Variants in ADAM32 observed in about 807,000 individuals in gnomAD.
ADAM32 encodes the protein ADAM metallopeptidase domain 32, also known as disintegrin and metalloproteinase domain-containing protein 32.
ADAM32 carries 89 observed loss-of-function variants against 114.9 expected under a neutral mutation model. The observed-to-expected ratio is 0.77, with a 90% CI of 0.65 to 0.92. The LOEUF is 0.92. Ranked by LOEUF, ADAM32 falls within the 40% of genes least tolerant of loss-of-function variation. The pLI, the probability that ADAM32 is intolerant of heterozygous loss-of-function variation, is 0.00. For missense variants in ADAM32, 870 were observed against 932.8 expected, an observed-to-expected ratio of 0.93 and a Z score of 0.88; for synonymous variants, 285 against 307.5, an observed-to-expected ratio of 0.93 and a Z score of 0.77.
chr8:39,276,765 T>G (rs751322096), intron 22 of ADAM32, among the ~76,000 whole-genome samples: 23 of 152,212 alleles, frequency 1.5e-4, no homozygotes, highest in Non-Finnish European at 1.5e-5. Flanking sequence ...ATTTTGATTT[T>G]TATTATCATG....
At chr8:39,115,315 CTT>C (rs1435335795) in intron 1 of ADAM32, among the ~76,000 whole-genome samples, 1 of 152,050 alleles carries the variant, frequency 6.6e-6, no homozygotes, top group Non-Finnish European at 1.5e-5. Context: ...TGGGAGTTCT[CTT>C]TTAGGTTCCT....
intron 10 of ADAM32, among the ~76,000 whole-genome samples, chr8:39,183,573 C>CT (rs1209922704): frequency 1.3e-5 from 2 of 152,208 alleles, no homozygotes; most frequent in Non-Finnish European, 2.9e-5. Context: ...ATCACTCACT[C>CT]TGTTCTCAGA....
chr8:39,173,149 T>G (rs1805299742), intron 10 of ADAM32, among the ~76,000 whole-genome samples: 1 of 152,116 alleles, frequency 6.6e-6, no homozygotes, highest in South Asian at 2.1e-4. Context: ...TCCCAGCTAC[T>G]CAGGAGGCTG....
intron 19 of ADAM32, among the ~76,000 whole-genome samples, chr8:39,263,564 T>C (rs1169941754): frequency 6.6e-6 from 1 of 152,206 alleles, no homozygotes; most frequent in African/African-American, 2.4e-5. Context: ...AATAGGGCTT[T>C]TAAAAACTGG....
chr8:39,242,645 A>C (rs1266256807), intron 16 of ADAM32, among the ~76,000 whole-genome samples: 2 of 152,060 alleles, frequency 1.3e-5, no homozygotes, highest in African/African-American at 4.8e-5. Flanking sequence ...ATTACCTCCC[A>C]CTGGTTACCT....
intron 19 of ADAM32, among the ~76,000 whole-genome samples, chr8:39,258,511 T>G (rs1811807745): frequency 6.6e-6 from 1 of 152,146 alleles, no homozygotes; most frequent in South Asian, 2.1e-4. Flanking sequence ...AATTGTAATC[T>G]TTAGTTTTCA....
chr8:39,249,919 G>A (rs1007746718), intron 17 of ADAM32, among the ~76,000 whole-genome samples: 2 of 151,998 alleles, frequency 1.3e-5, no homozygotes, highest in African/African-American at 4.8e-5. Context: ...TTGCTTGCAT[G>A]GTTGCTGAAG....
chr8:39,245,752 T>C (rs75846484), intron 16 of ADAM32, among the ~76,000 whole-genome samples: 8,174 of 152,260 alleles, frequency 0.054, 750 homozygotes, highest in African/African-American at 0.19. Context: ...TCAGCCTAAG[T>C]AGACAATATA....
At chr8:39,240,845 A>T (rs1412459232) in intron 16 of ADAM32, among the ~76,000 whole-genome samples, 3 of 152,168 alleles carry the variant, frequency 2.0e-5, no homozygotes, top group Non-Finnish European at 4.4e-5. Context: ...CATTCAGCCC[A>T]AATCTCATGT....
chr8:39,224,823 G>T (rs1474350629), intron 14 of ADAM32, among the ~76,000 whole-genome samples: 2 of 152,126 alleles, frequency 1.3e-5, no homozygotes, highest in African/African-American at 4.8e-5. Context: ...GTCTTGTGAA[G>T]GCTCCAAGGT....
chr8:39,284,116 T>C (rs1813625694), intron 24 of ADAM32, among the ~76,000 whole-genome samples: 1 of 152,244 alleles, frequency 6.6e-6, no homozygotes, highest in Non-Finnish European at 1.5e-5. Flanking sequence ...TTAATCTTGT[T>C]ACTAATGAGT....
chr8:39,264,661 T>C (rs536851202), intron 19 of ADAM32, among the ~76,000 whole-genome samples: 1 of 152,336 alleles, frequency 6.6e-6, no homozygotes, highest in South Asian at 2.1e-4. Context: ...CTGAGATCTT[T>C]CTAACTTTTT....
Position 39,189,740 on chromosome 8 carries a change from C to A in ADAM32, c.1052+2695C>A, listed in dbSNP as rs113131959. ...CTATCTAACTGTGTCTACTTATTAA[C>A]CAACCTCTCTTCATTCCCCTACCCA... On this transcript the variant is annotated intron_variant, in intron 11 of 24. Transcript: ENST00000379907. Among the ~76,000 whole-genome samples the A allele has an allele frequency of 9.0e-3, 1,365 of 152,212 alleles. 7 individuals are homozygous for A. Among genetic ancestry groups the A allele is most frequent in the Non-Finnish European group, 0.015 (1,015 of 68,000 alleles).
intron 6 of ADAM32, among the ~76,000 whole-genome samples, chr8:39,156,935 T>C (rs4636164): frequency 0.96 from 146,458 of 152,296 alleles, 70,707 homozygotes; most frequent in East Asian, 1. Flanking sequence ...AACATATGAA[T>C]TTTACTGGGA....
intron 14 of ADAM32, among the ~76,000 whole-genome samples, chr8:39,230,578 C>G (rs1722661413): frequency 6.6e-6 from 1 of 152,180 alleles, no homozygotes; most frequent in Non-Finnish European, 1.5e-5. Context: ...CATTCCTAAC[C>G]TGGTATCTCA....
At chr8:39,214,908 G>A (rs1213511206) in intron 12 of ADAM32, among the ~76,000 whole-genome samples, 1 of 151,980 alleles carries the variant, frequency 6.6e-6, no homozygotes, top group East Asian at 1.9e-4. Flanking sequence ...CATGCATGTG[G>A]ATATCCAGTT....
In ADAM32 at chr8:39,160,981, T is replaced by C. The variant is rs954893721; in HGVS notation, c.594+16T>C. 1 of 1,551,160 alleles carries C rather than the reference T, an allele frequency of 6.4e-7. No individual in the cohort carries two copies. Among genetic ancestry groups the C allele is most frequent in the Non-Finnish European group, 8.7e-7 (1 of 1,145,198 alleles). On this transcript the variant is annotated intron_variant, in intron 7 of 24. Transcript: ENST00000379907. The stretch of plus-strand genomic sequence containing the variant: ...CAAAACTTTGGTATGTGTTTTGCTT[T>C]TTCTTTGCTTTGAAATATTTGATCC...
intron 1 of ADAM32, among the ~76,000 whole-genome samples, chr8:39,111,586 A>G (rs1840159095): frequency 6.6e-6 from 1 of 151,998 alleles, no homozygotes. Context: ...AAATACAAAA[A>G]TTAGCTGATT....
At chr8:39,172,060 A>G (rs1219722744) in intron 10 of ADAM32, among the ~76,000 whole-genome samples, 1 of 151,362 alleles carries the variant, frequency 6.6e-6, no homozygotes, top group African/African-American at 2.4e-5. Flanking sequence ...AATATTAACT[A>G]TTGAATAAAG....
Sources: gnomAD v4.1 joint callset for allele counts (sites outside exome capture counted in the v4.1 genomes callset) on GRCh38, gnomAD v4.1.1 for gene constraint, MANE v1.5 for transcripts, NCBI Gene and HGNC (gene_info 2026-07-23, HGNC 2026-07-21) for gene names.